Variants in DACH1 observed in about 807,000 individuals in gnomAD.
DACH1 encodes the protein dachshund homolog 1.
A neutral mutation model predicts 54.2 loss-of-function variants in DACH1; 12 were observed. That is an observed-to-expected ratio of 0.22 (90% CI 0.14 to 0.36). The LOEUF is 0.36. DACH1 is among the 10% of genes least tolerant of loss of function. The probability of loss-of-function intolerance (pLI) is 1.00; values close to 1 mark genes in which losing one functional copy is unlikely to be tolerated. For missense variants in DACH1, 805 were observed against 929.8 expected (o/e 0.87, Z 1.75); for synonymous variants, 386 against 366.2 (o/e 1.05, Z -0.62).
intron 3 of DACH1, among the ~76,000 whole-genome samples, chr13:71,624,983 T>C (rs1009613578): frequency 6.6e-6 from 1 of 151,842 alleles, no homozygotes; most frequent in Non-Finnish European, 1.5e-5. Context: ...CCTGAAAAAA[T>C]TGCTATACCT....
rs1037910720 is a variant in DACH1, at chr13:71,660,974, TA to T, written c.964+20820del. Among the ~76,000 whole-genome samples, 7 of 147,984 alleles carry T rather than the reference TA, an allele frequency of 4.7e-5. No individual in the cohort carries two copies. The South Asian group carries it at 6.6e-4, about 14-fold the overall frequency. ...ATTATGGATAAAGTGATGAAAATAA[TA>T]AAAAAAAGGACATGAGATTGTTCTA... On this transcript the variant is annotated intron_variant, in intron 2 of 10. Coordinates refer to ENST00000613252, the MANE Select transcript of DACH1 (RefSeq NM_080759.6).
At chr13:71,760,973 C>G (rs1885378900) in intron 1 of DACH1, among the ~76,000 whole-genome samples, 2 of 152,022 alleles carry the variant, frequency 1.3e-5, no homozygotes, top group African/African-American at 4.8e-5. Flanking sequence ...TCCATTGTCT[C>G]TATCACCAAT....
rs111284251 is a variant in DACH1, at chr13:71,542,206, C to T, written c.1570+14818G>A. ...TGGAGGTTGCAGTGAGCTGAGATTG[C>T]GCCATTGCACTCCAGCCTGGGAAAC... On this transcript the variant is annotated intron_variant, in intron 6 of 10. Coordinates refer to ENST00000613252, the MANE Select transcript of DACH1 (RefSeq NM_080759.6). Among the ~76,000 whole-genome samples the T allele has an allele frequency of 6.4e-3, 978 of 151,874 alleles. 10 individuals are homozygous for T. Among genetic ancestry groups the T allele is most frequent in the African/African-American group, 0.022 (920 of 41,426 alleles).
chr13:71,855,364 A>G (rs1324366800), intron 1 of DACH1, among the ~76,000 whole-genome samples: 1 of 152,034 alleles, frequency 6.6e-6, no homozygotes, highest in African/African-American at 2.4e-5. Flanking sequence ...TTTTTGGTGT[A>G]TACAACATTG....
rs546908938 is a variant in DACH1 at position 71,675,017 on chromosome 13, G to C, written c.964+6778C>G. ...ACGCCAGCGCCGCCTCTCGCTCGCC[G>C]AGCTCCAGCCGAAGAGAAGGGGGGT... On this transcript the variant is annotated intron_variant, in intron 2 of 10. Coordinates refer to ENST00000613252, the MANE Select transcript of DACH1 (RefSeq NM_080759.6). The C allele has an allele frequency of 4.2e-4, 259 of 623,264 alleles. 2 individuals are homozygous for C. The African/African-American group carries it at 8.8e-3, about 21-fold the overall frequency. The allele number at this position is 623,264 out of a possible 1,614,324, so 38.6% of individuals were successfully genotyped here.
At chr13:71,611,303 A>G (rs74096972) in intron 3 of DACH1, among the ~76,000 whole-genome samples, 1,916 of 152,326 alleles carry the variant, frequency 0.013, 31 homozygotes, top group African/African-American at 0.039. Flanking sequence ...TTGCAAAATT[A>G]TCTTTGACAG....
rs147437300 is a variant in DACH1, at chr13:71,584,943, T to C, written c.1127-11931A>G. 5.1e-3 allele frequency among the ~76,000 whole-genome samples: 782 copies of C among 152,128 alleles called. 8 individuals are homozygous for C. Among genetic ancestry groups the C allele is most frequent in the African/African-American group, 0.017 (719 of 41,546 alleles). On this transcript the variant is annotated intron_variant, in intron 3 of 10. Transcript: ENST00000613252. ...ATATATATATATATCCAGCATGCTA[T>C]GGTGTACAGGCCAAGGAGCAAGAAA...
chr13:71,531,333 C>G (rs78925577), intron 6 of DACH1, among the ~76,000 whole-genome samples: 1 of 151,842 alleles, frequency 6.6e-6, no homozygotes, highest in African/African-American at 2.4e-5. Context: ...ATTGTGTTCA[C>G]ATGCACCTAT....
At chr13:71,467,754 G>C (rs1164344331) in intron 10 of DACH1, among the ~76,000 whole-genome samples, 5 of 152,042 alleles carry the variant, frequency 3.3e-5, no homozygotes, top group African/African-American at 1.2e-4. Flanking sequence ...AAATTGATTA[G>C]CTTTATAGAA....
intron 10 of DACH1, among the ~76,000 whole-genome samples, chr13:71,471,173 C>T (rs1191848744): frequency 1.3e-5 from 2 of 150,910 alleles, no homozygotes; most frequent in East Asian, 2.0e-4. Flanking sequence ...GGGAAAGAGT[C>T]GTGACTGGGC....
chr13:71,533,769 A>AACACAC lies in DACH1; in HGVS notation c.1570+23249_1570+23254dup, dbSNP rs141125520. On this transcript the variant is annotated intron_variant, in intron 6 of 10. Coordinates refer to ENST00000613252, the MANE Select transcript of DACH1 (RefSeq NM_080759.6). ...TCTCTGAGTGTGTGTCACACACACA[A>AACACAC]ACACACACACACACACACACACTTT... Among the ~76,000 whole-genome samples the AACACAC allele has an allele frequency of 4.2e-3, 622 of 148,200 alleles. 4 individuals are homozygous for AACACAC. The highest frequency in any genetic ancestry group is 0.014 in the African/African-American group (576 of 40,684).
intron 3 of DACH1, chr13:71,573,406 A>AT (rs1160649640): frequency 1.4e-6 from 1 of 715,410 alleles, no homozygotes; most frequent in East Asian, 2.7e-5. Context: ...ATACTAAAGA[A>AT]TGCCATCGTA....
intron 3 of DACH1, among the ~76,000 whole-genome samples, chr13:71,624,454 T>C (rs961448802): frequency 9.2e-5 from 14 of 151,980 alleles, no homozygotes; most frequent in South Asian, 2.1e-4. Context: ...TCTCATTTCA[T>C]GTGTCAGAAT....
At chr13:71,548,781 T>A (rs1021233674) in intron 6 of DACH1, among the ~76,000 whole-genome samples, 1 of 151,866 alleles carries the variant, frequency 6.6e-6, no homozygotes, top group African/African-American at 2.4e-5. Context: ...GCCGGTGTGG[T>A]GGCGTGTGCT....
At chr13:71,699,652 T>C (rs1382965567) in intron 1 of DACH1, among the ~76,000 whole-genome samples, 1 of 152,230 alleles carries the variant, frequency 6.6e-6, no homozygotes, top group African/African-American at 2.4e-5. Flanking sequence ...GAATGGAGAA[T>C]CTTGCTGGAC....
intron 10 of DACH1, among the ~76,000 whole-genome samples, chr13:71,453,264 A>C (rs1227574440): frequency 6.6e-6 from 1 of 152,208 alleles, no homozygotes. Flanking sequence ...GGTGGAAGGA[A>C]ATAATCATAT....
intron 2 of DACH1, among the ~76,000 whole-genome samples, chr13:71,663,323 G>C (rs565252935): frequency 6.6e-6 from 1 of 151,834 alleles, no homozygotes; most frequent in Non-Finnish European, 1.5e-5. Flanking sequence ...CTAAACACAG[G>C]CTTCATAAAC....
intron 3 of DACH1, among the ~76,000 whole-genome samples, chr13:71,586,053 C>T (rs1471170827): frequency 6.6e-6 from 1 of 152,150 alleles, no homozygotes. Flanking sequence ...TCTAAACCTA[C>T]TGGCTGTAGT....
intron 2 of DACH1, among the ~76,000 whole-genome samples, chr13:71,679,613 T>C (rs1424103204): frequency 1.3e-5 from 2 of 151,790 alleles, no homozygotes; most frequent in Non-Finnish European, 2.9e-5. Context: ...ATCAGAAACA[T>C]GGTTCATTGA....
Sources: allele counts gnomAD v4.1 joint callset (sites outside exome capture counted in the v4.1 genomes callset), GRCh38; gene constraint gnomAD v4.1.1; transcripts MANE v1.5; gene names NCBI Gene and HGNC (gene_info 2026-07-23, HGNC 2026-07-21).